Variants in CRB1 observed in about 807,000 individuals in gnomAD.
CRB1 encodes the protein protein crumbs homolog 1.
CRB1 carries 83 observed loss-of-function variants against 120.0 expected under a neutral mutation model. The observed-to-expected ratio is 0.69, with a 90% CI of 0.58 to 0.83. The LOEUF is 0.83. Ranked by LOEUF, CRB1 falls within the 40% of genes least tolerant of loss-of-function variation. CRB1 has a pLI of 0.00. For missense variants in CRB1, 1,699 were observed against 1,687.6 expected (o/e 1.01, Z -0.12); for synonymous variants, 625 against 612.5 (o/e 1.02, Z -0.30).
intron 5 of CRB1, among the ~76,000 whole-genome samples, chr1:197,393,134 C>T (rs1446728443): frequency 6.6e-6 from 1 of 151,878 alleles, no homozygotes; most frequent in Admixed American, 6.6e-5. Flanking sequence ...GTTAAGAATG[C>T]AGAGAGGAAA....
chr1:197,410,429 G>C (rs1663646655), intron 5 of CRB1, among the ~76,000 whole-genome samples: 1 of 152,150 alleles, frequency 6.6e-6, no homozygotes. Context: ...TCAATACGGA[G>C]AAAAATTGTG....
intron 5 of CRB1, among the ~76,000 whole-genome samples, chr1:197,381,475 T>C (rs1418384932): frequency 6.6e-6 from 1 of 152,212 alleles, no homozygotes; most frequent in African/African-American, 2.4e-5. Flanking sequence ...GTCCTTACAG[T>C]GATATCTTAC....
the CRB1 span, among the ~76,000 whole-genome samples, chr1:197,245,379 C>T: frequency 6.6e-6 from 1 of 152,012 alleles, no homozygotes; most frequent in Non-Finnish European, 1.5e-5. Flanking sequence ...CATCTGTAGT[C>T]CCAGATACTC....
chr1:197,351,420 G>T (rs1660100647), intron 4 of CRB1, among the ~76,000 whole-genome samples: 1 of 150,348 alleles, frequency 6.7e-6, no homozygotes, highest in South Asian at 2.1e-4. Flanking sequence ...AAAGAAAAGA[G>T]CATGTCCAAT....
intron 1 of CRB1, among the ~76,000 whole-genome samples, chr1:197,312,193 T>G (rs1558046089): frequency 6.6e-6 from 1 of 152,222 alleles, no homozygotes; most frequent in Non-Finnish European, 1.5e-5. Flanking sequence ...ACATAGTAAC[T>G]GTTTATTAGT....
intron 5 of CRB1, chr1:197,364,046 G>A (rs1660931223): frequency 2.2e-6 from 3 of 1,370,836 alleles, no homozygotes; most frequent in African/African-American, 2.9e-5. Context: ...TTCTTGATGC[G>A]AAAGAATCAG....
intron 5 of CRB1, among the ~76,000 whole-genome samples, chr1:197,381,094 A>G (rs114331863): frequency 0.014 from 2,150 of 152,212 alleles, 38 homozygotes; most frequent in African/African-American, 0.048. Context: ...AATTAATACC[A>G]TCTTTGTGAG....
intron 1 of CRB1, among the ~76,000 whole-genome samples, chr1:197,288,712 T>G (rs1571772390): frequency 1.3e-5 from 2 of 151,720 alleles, no homozygotes; most frequent in African/African-American, 4.8e-5. Context: ...AAGAGATGAA[T>G]GACAAATTAG....
chr1:197,256,834 CAAAAA>C, the CRB1 span, among the ~76,000 whole-genome samples: 3 of 142,426 alleles, frequency 2.1e-5, no homozygotes, highest in Non-Finnish European at 4.6e-5. Flanking sequence ...GAAAAAAAAA[CAAAAA>C]AAACTTGGAG....
intron 1 of CRB1, among the ~76,000 whole-genome samples, chr1:197,306,378 G>A (rs888471187): frequency 6.6e-6 from 1 of 152,168 alleles, no homozygotes; most frequent in African/African-American, 2.4e-5. Flanking sequence ...GAAGTATCAG[G>A]AATGAGTATC....
the CRB1 span, among the ~76,000 whole-genome samples, chr1:197,210,045 A>C: frequency 6.6e-6 from 1 of 152,214 alleles, no homozygotes; most frequent in Non-Finnish European, 1.5e-5. Flanking sequence ...GTGAGCCTCC[A>C]CACACTGCTC....
intron 11 of CRB1, among the ~76,000 whole-genome samples, chr1:197,471,446 G>T (rs1221117992): frequency 6.6e-6 from 1 of 152,168 alleles, no homozygotes; most frequent in African/African-American, 2.4e-5. Context: ...TGAAGAGATG[G>T]GGCAGTGCCA....
At chr1:197,354,600 C>A (rs757598454) in intron 4 of CRB1, among the ~76,000 whole-genome samples, 34 of 152,102 alleles carry the variant, frequency 2.2e-4, no homozygotes, top group Non-Finnish European at 4.4e-4. Context: ...TTTATTCCTC[C>A]TGGAGGGTTC....
chr1:197,368,150 A>C (rs1024480504), intron 5 of CRB1, among the ~76,000 whole-genome samples: 2 of 152,190 alleles, frequency 1.3e-5, no homozygotes, highest in Non-Finnish European at 2.9e-5. Context: ...AGAAATTTTC[A>C]ATAGAATTTT....
intron 1 of CRB1, among the ~76,000 whole-genome samples, chr1:197,327,091 CAAAAAAAA>C (rs71131753): frequency 4.3e-4 from 11 of 25,708 alleles, no homozygotes; most frequent in African/African-American, 2.0e-3. Context: ...TCTCACACAC[CAAAAAAAA>C]AAAAAAAAAA....
intron 2 of CRB1, among the ~76,000 whole-genome samples, chr1:197,335,785 C>A (rs1032158184): frequency 4.6e-5 from 7 of 152,254 alleles, no homozygotes; most frequent in African/African-American, 1.7e-4. Flanking sequence ...GCATGAGCCA[C>A]CTCGCCCGGC....
At position 197,429,574 on chromosome 1, in the gene CRB1, T is replaced by A; in HGVS notation, c.2802T>A (p.Pro934=). Residue 934 remains proline, a synonymous_variant, in exon 8 of 12, where the codon CCT becomes CCA. Transcript: ENST00000367400. ...AGTGGTGTGGATTCAGCCCGTGTCC[T>A]CACGGAGCCCAGTGCCAGCCGGTGC... ...EVQWCGFSPC[P]HGAQCQPVLQ... is the part of the protein sequence containing the mutation. 6.2e-7 allele frequency: 1 copy of A among 1,614,046 alleles called. No individual in the cohort carries two copies. The highest frequency in any genetic ancestry group is 8.5e-7 in the Non-Finnish European group (1 of 1,179,956).
At chr1:197,390,557 G>A (rs1662448649) in intron 5 of CRB1, among the ~76,000 whole-genome samples, 1 of 151,950 alleles carries the variant, frequency 6.6e-6, no homozygotes, top group Admixed American at 6.6e-5. Flanking sequence ...GGGCTCCAAG[G>A]TTTGACCCAG....
chr1:197,245,108 C>T, the CRB1 span, among the ~76,000 whole-genome samples: 2 of 151,732 alleles, frequency 1.3e-5, no homozygotes, highest in Non-Finnish European at 2.9e-5. Flanking sequence ...ATGTGCACAA[C>T]GTGCAGGCTT....
Sources: gnomAD v4.1 joint callset for allele counts (sites outside exome capture counted in the v4.1 genomes callset) on GRCh38, gnomAD v4.1.1 for gene constraint, MANE v1.5 for transcripts, NCBI Gene and HGNC (gene_info 2026-07-23, HGNC 2026-07-21) for gene names.